Variants in PLCE1 observed in about 807,000 individuals in gnomAD.
PLCE1 encodes the protein phospholipase C epsilon 1.
In PLCE1, 119 loss-of-function variants were observed where a neutral mutation model predicts 242.8. The ratio of observed to expected loss-of-function variants is 0.49; its 90% CI spans 0.42 to 0.57. The LOEUF (loss-of-function observed/expected upper bound fraction) is 0.57, where lower values mean the gene tolerates loss of function less well. PLCE1 is among the 20% of genes least tolerant of loss of function. The pLI is 0.00. For missense variants in PLCE1, 2,441 were observed against 2,788.8 expected (o/e 0.88, Z 2.81); for synonymous variants, 945 against 1,017.4 (o/e 0.93, Z 1.35).
In PLCE1 at chr10:94,306,314, T is replaced by C. The variant is rs554981122; in HGVS notation, c.5623-113T>C. ...AAACAGTTTTATTCATCATTCACTT[T>C]GTCCATTCCAGTGTTCTTGGGATTC... On this transcript the variant is annotated intron_variant, in intron 25 of 32. Transcript: ENST00000371380. This position sits in a 1 kb window ranked among gnomAD's most constrained non-coding sequence, Gnocchi z 5.7. The C allele has an allele frequency of 1.2e-5, 19 of 1,556,912 alleles. No homozygotes were observed. The East Asian group carries it at 3.8e-4, about 31-fold the overall frequency.
chr10:94,135,824 G>A (rs777386840), intron 3 of PLCE1, among the ~76,000 whole-genome samples: 2 of 152,280 alleles, frequency 1.3e-5, no homozygotes, highest in East Asian at 1.9e-4. Flanking sequence ...CAGAGATTTC[G>A]AAAAGGAGTT....
At chr10:94,143,004 T>G (rs1022712684) in intron 3 of PLCE1, among the ~76,000 whole-genome samples, 2 of 152,154 alleles carry the variant, frequency 1.3e-5, no homozygotes, top group East Asian at 3.8e-4. Context: ...ATGGAGGAAA[T>G]GGACAAATAA....
intron 4 of PLCE1, among the ~76,000 whole-genome samples, chr10:94,218,084 A>G (rs2137032863): frequency 6.6e-6 from 1 of 152,312 alleles, no homozygotes; most frequent in Non-Finnish European, 1.5e-5. Context: ...CTTAGCACAA[A>G]TGAAGCAAAT....
At chr10:94,246,743 C>T in intron 8 of PLCE1, 122 bp downstream of exon 8, 1 of 869,608 alleles carries the variant, frequency 1.1e-6, no homozygotes, top group Non-Finnish European at 1.8e-6. Flanking sequence ...TGACCTTGGG[C>T]AGCTTTTACT....
chr10:94,166,448 A>C (rs2047805490), intron 3 of PLCE1, among the ~76,000 whole-genome samples: 2 of 152,322 alleles, frequency 1.3e-5, no homozygotes, highest in South Asian at 4.1e-4. Context: ...GGTTTTGATA[A>C]GATATAATTT....
chr10:94,245,753 G>T (rs998968751), intron 7 of PLCE1, among the ~76,000 whole-genome samples, 193 bp from the exon 8 acceptor site: 1 of 152,142 alleles, frequency 6.6e-6, no homozygotes, highest in Non-Finnish European at 1.5e-5. Context: ...CAAAGTGCTG[G>T]GATTACAGGC....
intron 7 of PLCE1, among the ~76,000 whole-genome samples, chr10:94,239,264 G>A (rs1430461161): frequency 6.6e-6 from 1 of 152,192 alleles, no homozygotes; most frequent in Non-Finnish European, 1.5e-5. Context: ...CGTGTCAAGG[G>A]AGAGACCAGG....
intron 3 of PLCE1, chr10:94,138,602 C>A: frequency 2.4e-6 from 1 of 424,582 alleles, no homozygotes; most frequent in South Asian, 2.0e-5. Flanking sequence ...AAGGGCATGT[C>A]AAGTGTGTGG....
At chr10:94,207,464 A>G (rs948892725) in intron 4 of PLCE1, among the ~76,000 whole-genome samples, 1 of 151,818 alleles carries the variant, frequency 6.6e-6, no homozygotes, top group Non-Finnish European at 1.5e-5. Flanking sequence ...TTCATTATGA[A>G]TGTAGGCTTT....
rs896310221 is a variant in PLCE1 at position 94,330,508 on chromosome 10, A to C, written c.*2565A>C. The C allele has an allele frequency of 3.3e-5, 5 of 152,068 alleles. No homozygotes were observed. The highest frequency in any genetic ancestry group is 3.3e-4 in the Admixed American group (5 of 15,258). 9.4% of individuals were successfully genotyped at this position (152,068 alleles called of 1,614,324 possible). ...CAACATGGTGAAACCCGTCTCTACT[A>C]AAAATACAAAAATTAGCTGGGTACT... On this transcript the variant is annotated 3_prime_UTR_variant, in exon 33 of 33. Transcript: ENST00000371380.
At chr10:94,219,879 T>C (rs941623272) in intron 4 of PLCE1, among the ~76,000 whole-genome samples, 2 of 151,974 alleles carry the variant, frequency 1.3e-5, no homozygotes, top group Non-Finnish European at 2.9e-5. Flanking sequence ...GTGATGTAGT[T>C]TGGGGGTAAG....
intron 30 of PLCE1, among the ~76,000 whole-genome samples, 181 bp from the exon 31 acceptor site, chr10:94,324,168 C>T (rs990199210): frequency 5.9e-5 from 9 of 152,112 alleles, no homozygotes; most frequent in Non-Finnish European, 1.3e-4. Context: ...AATGAGGTAA[C>T]GTGGGAAATT....
intron 2 of PLCE1, among the ~76,000 whole-genome samples, chr10:94,037,472 C>T (rs372185448): frequency 6.6e-6 from 1 of 152,234 alleles, no homozygotes; most frequent in East Asian, 1.9e-4. Flanking sequence ...ACAGTTTGGA[C>T]CTTGAGACAA....
Position 94,030,939 on chromosome 10 carries a change from C to T in PLCE1, c.-108C>T. On this transcript the variant is annotated 5_prime_UTR_variant, in exon 2 of 33. Transcript: ENST00000371380. The stretch of plus-strand genomic sequence containing the variant: ...ATTATCCCTTTGTTCTTTGGGAGGA[C>T]TTGTGTATCTGAGATTGTTGTAATA... 9.2e-7 allele frequency: 1 copy of T among 1,086,172 alleles called. No individual in the cohort carries two copies. The highest frequency in any genetic ancestry group is 1.4e-6 in the Non-Finnish European group (1 of 704,296). 67.3% of individuals were successfully genotyped at this position (1,086,172 alleles called of 1,614,324 possible). A position where few individuals can be genotyped will look rare whatever the true frequency, so the allele number is the denominator to read the frequency against.
At chr10:94,259,542 C>CA (rs1358895107) in intron 13 of PLCE1, among the ~76,000 whole-genome samples, 1 of 152,120 alleles carries the variant, frequency 6.6e-6, no homozygotes, top group Non-Finnish European at 1.5e-5. Context: ...CTCAGCCTCC[C>CA]AAAGTGCTGA....
rs4348824 is a variant in PLCE1 at position 94,065,237 on chromosome 10, A to G, written c.1206+32985A>G. On this transcript the variant is annotated intron_variant, in intron 2 of 32. Transcript: ENST00000371380. The stretch of plus-strand genomic sequence containing the variant: ...CTGGAACCTGATTGTCTTTGTTTCA[A>G]CTGTCCACCAATTTGGTCCCAGACT... 3.4e-4 allele frequency among the ~76,000 whole-genome samples: 52 copies of G among 152,246 alleles called. No individual in the cohort carries two copies. The East Asian group carries it at 9.3e-3, about 27-fold the overall frequency.
chr10:94,046,751 C>T (rs889304337), intron 2 of PLCE1, among the ~76,000 whole-genome samples: 6 of 152,182 alleles, frequency 3.9e-5, no homozygotes, highest in African/African-American at 1.4e-4. Flanking sequence ...CAAATTCTGA[C>T]CTGGCACTTA....
chr10:94,189,047 T>C (rs1590211249), intron 4 of PLCE1, among the ~76,000 whole-genome samples: 1 of 141,184 alleles, frequency 7.1e-6, no homozygotes, highest in East Asian at 2.1e-4. Context: ...GAATTTCAAA[T>C]ACCCTTTTGC....
chr10:94,294,909 CTTTTTTT>C (rs766555881), intron 23 of PLCE1, among the ~76,000 whole-genome samples: 3 of 101,494 alleles, frequency 3.0e-5, no homozygotes, highest in South Asian at 3.3e-4. Flanking sequence ...CATGATAGAA[CTTTTTTT>C]TTTTTTTTTT....
Sources: allele counts gnomAD v4.1 joint callset (sites outside exome capture counted in the v4.1 genomes callset), GRCh38; gene constraint gnomAD v4.1.1; non-coding constraint Gnocchi (gnomAD v3.1); transcripts MANE v1.5; gene names NCBI Gene and HGNC (gene_info 2026-07-23, HGNC 2026-07-21).